SPECC1: variants seen among roughly 807,000 people sequenced by gnomAD.
The protein encoded by SPECC1 is cytospin-B.
A neutral mutation model predicts 104.1 loss-of-function variants in SPECC1; 62 were observed. The ratio of observed to expected loss-of-function variants is 0.60; its 90% CI spans 0.49 to 0.74. The LOEUF (loss-of-function observed/expected upper bound fraction) is 0.74. SPECC1 is among the 30% of genes least tolerant of loss of function. SPECC1 has a pLI of 0.00. For synonymous variants in SPECC1, 513 were observed against 501.6 expected (o/e 1.02, Z -0.30); for missense variants, 1,306 against 1,310.5 (o/e 1.00, Z 0.05).
At chr17:20,209,353 G>C (rs1251111817) in intron 4 of SPECC1, among the ~76,000 whole-genome samples, 1 of 152,184 alleles carries the variant, frequency 6.6e-6, no homozygotes, top group South Asian at 2.1e-4. Context: ...GGGGAAAGTG[G>C]TGCCAAACCA....
chr17:20,182,027 T>C (rs2034927480), intron 3 of SPECC1, among the ~76,000 whole-genome samples: 1 of 152,172 alleles, frequency 6.6e-6, no homozygotes, highest in African/African-American at 2.4e-5. Flanking sequence ...AGAAAGTGTC[T>C]TTTTAAACTT....
chr17:20,246,538 C>T (rs1278015591), intron 8 of SPECC1, among the ~76,000 whole-genome samples: 2 of 152,300 alleles, frequency 1.3e-5, no homozygotes, highest in African/African-American at 2.4e-5. Context: ...TGGTCTTGTA[C>T]GTGAGCACCT....
At chr17:20,047,018 C>T (rs947452558) in intron 1 of SPECC1, among the ~76,000 whole-genome samples, 19 of 151,996 alleles carry the variant, frequency 1.3e-4, no homozygotes, top group Admixed American at 6.6e-4. Context: ...GAAAGCCGGG[C>T]GAGAGATGTT....
chr17:20,073,211 A>G (rs2046628615), intron 1 of SPECC1, among the ~76,000 whole-genome samples: 1 of 151,872 alleles, frequency 6.6e-6, no homozygotes, highest in South Asian at 2.1e-4. Context: ...TCCCCTTCCC[A>G]CCTAGAACTC....
intron 3 of SPECC1, among the ~76,000 whole-genome samples, chr17:20,127,812 G>A (rs2049396514): frequency 6.6e-6 from 1 of 151,930 alleles, no homozygotes; most frequent in Non-Finnish European, 1.5e-5. Flanking sequence ...GATGGCCCCT[G>A]TTCTTATCAG....
intron 1 of SPECC1, among the ~76,000 whole-genome samples, chr17:20,066,004 A>G (rs1316820615): frequency 1.3e-5 from 2 of 152,236 alleles, no homozygotes; most frequent in Non-Finnish European, 2.9e-5. Flanking sequence ...GTATATCTAT[A>G]TCTGTATCTA....
At chr17:20,166,305 T>C (rs968191299) in intron 3 of SPECC1, among the ~76,000 whole-genome samples, 1 of 152,200 alleles carries the variant, frequency 6.6e-6, no homozygotes, top group Non-Finnish European at 1.5e-5. Flanking sequence ...CAAACCATTT[T>C]TTCAAAATTA....
At chr17:20,278,180 C>G (rs1163877808) in intron 12 of SPECC1, among the ~76,000 whole-genome samples, 5 of 152,180 alleles carry the variant, frequency 3.3e-5, no homozygotes, top group African/African-American at 9.7e-5. Context: ...CCCTCCCCAC[C>G]CTCACCACAC....
chr17:20,099,715 A>C (rs1473718806), intron 2 of SPECC1, among the ~76,000 whole-genome samples: 3 of 148,916 alleles, frequency 2.0e-5, no homozygotes, highest in South Asian at 2.1e-4. Context: ...AAAAAAAAAA[A>C]AAAAACCCAC....
At chr17:20,111,813 G>C (rs572069687) in intron 3 of SPECC1, 37 of 831,528 alleles carry the variant, frequency 4.4e-5, no homozygotes, top group Admixed American at 1.2e-4. Flanking sequence ...ACCCAGGGGG[G>C]GGGCAGCGCG....
At chr17:20,092,696 C>T (rs757715652) in intron 1 of SPECC1, among the ~76,000 whole-genome samples, 13 of 152,172 alleles carry the variant, frequency 8.5e-5, no homozygotes, top group African/African-American at 1.7e-4. Context: ...GTCGAGAGGG[C>T]GGCTCATAGT....
At chr17:20,272,439 G>A (rs1019722366) in intron 12 of SPECC1, among the ~76,000 whole-genome samples, 6 of 152,064 alleles carry the variant, frequency 3.9e-5, no homozygotes, top group Non-Finnish European at 1.5e-5. Flanking sequence ...GTACAGTTCA[G>A]TATCGTTGAG....
intron 3 of SPECC1, among the ~76,000 whole-genome samples, chr17:20,122,688 A>C (rs556049360): frequency 1.3e-5 from 2 of 152,106 alleles, no homozygotes; most frequent in Non-Finnish European, 2.9e-5. Flanking sequence ...TTTGTCTCTG[A>C]ATCTGACTGC....
intron 4 of SPECC1, among the ~76,000 whole-genome samples, chr17:20,207,147 A>G (rs1309369841): frequency 2.6e-5 from 4 of 152,096 alleles, no homozygotes; most frequent in Non-Finnish European, 4.4e-5. Context: ...ACATCTTCCT[A>G]CCTTAGTTTA....
chr17:20,060,665 A>C (rs974539747), intron 1 of SPECC1, among the ~76,000 whole-genome samples: 2 of 152,090 alleles, frequency 1.3e-5, no homozygotes, highest in Non-Finnish European at 2.9e-5. Context: ...GACATATAGG[A>C]TATGTGTCTT....
At chr17:20,260,812 G>A (rs2039999069) in intron 12 of SPECC1, among the ~76,000 whole-genome samples, 1 of 152,226 alleles carries the variant, frequency 6.6e-6, no homozygotes, top group Non-Finnish European at 1.5e-5. Context: ...ATGTGGGCTG[G>A]GCTGGGTAGA....
chr17:20,086,437 T>A (rs1475602333), intron 1 of SPECC1, among the ~76,000 whole-genome samples: 1 of 152,112 alleles, frequency 6.6e-6, no homozygotes, highest in Non-Finnish European at 1.5e-5. Flanking sequence ...TGTGGTTGGG[T>A]CCAGTTGAGA....
intron 3 of SPECC1, among the ~76,000 whole-genome samples, chr17:20,164,417 T>C (rs2033463051): frequency 6.6e-6 from 1 of 152,134 alleles, no homozygotes; most frequent in Non-Finnish European, 1.5e-5. Flanking sequence ...TCCTCTCACC[T>C]AAGCCTCCCA....
At chr17:20,106,648 C>G (rs1176462105) in intron 2 of SPECC1, among the ~76,000 whole-genome samples, 1 of 152,206 alleles carries the variant, frequency 6.6e-6, no homozygotes, top group African/African-American at 2.4e-5. Flanking sequence ...TGCACATGCT[C>G]TCTCTTGCCT....
Sources: gnomAD v4.1 joint callset for allele counts (sites outside exome capture counted in the v4.1 genomes callset) on GRCh38, gnomAD v4.1.1 for gene constraint, MANE v1.5 for transcripts, NCBI Gene and HGNC (gene_info 2026-07-23, HGNC 2026-07-21) for gene names.